Variants in FBN2 observed in about 807,000 individuals in gnomAD.
FBN2 encodes fibrillin 2, also known as fibrillin-2.
A neutral mutation model predicts 355.6 loss-of-function variants in FBN2; 105 were observed. The ratio of observed to expected loss-of-function variants is 0.30; its 90% confidence interval spans 0.25 to 0.35. FBN2 has a LOEUF of 0.35. FBN2 is among the 10% of genes least tolerant of loss of function. The pLI, the probability that FBN2 is intolerant of heterozygous loss-of-function variation, is 1.00. For missense variants in FBN2, 3,280 were observed against 3,758.7 expected, an observed-to-expected ratio of 0.87 and a Z score of 3.33; for synonymous variants, 1,350 against 1,301.2, an observed-to-expected ratio of 1.04 and a Z score of -0.81.
At chr5:128,374,814 C>T in intron 14 of FBN2, 64 bp from the exon 15 acceptor site, 1 of 1,550,064 alleles carries the variant, frequency 6.5e-7, no homozygotes, top group African/African-American at 1.4e-5. Context: ...ACAGGGTTTA[C>T]TTGCAGCCAC....
intron 20 of FBN2, among the ~76,000 whole-genome samples, chr5:128,354,372 G>C (rs917044256): frequency 6.6e-6 from 1 of 152,170 alleles, no homozygotes; most frequent in Non-Finnish European, 1.5e-5. Flanking sequence ...GCAGGAGCAA[G>C]ATCATGAGGG....
At chr5:128,494,166 T>C (rs1319558963) in intron 5 of FBN2, among the ~76,000 whole-genome samples, 2 of 152,138 alleles carry the variant, frequency 1.3e-5, no homozygotes, top group Non-Finnish European at 2.9e-5. Context: ...CACTCCAAGA[T>C]AGACCATTGT....
intron 8 of FBN2, among the ~76,000 whole-genome samples, chr5:128,396,773 T>C (rs1246101610): frequency 2.0e-5 from 3 of 152,210 alleles, no homozygotes; most frequent in African/African-American, 7.2e-5. Context: ...TAACAACATA[T>C]TATTCAACCC....
At chr5:128,316,300 G>A (rs1750199782) in intron 36 of FBN2, among the ~76,000 whole-genome samples, 1 of 152,038 alleles carries the variant, frequency 6.6e-6, no homozygotes, top group Admixed American at 6.6e-5. Context: ...ACATAATGTT[G>A]AACATTGACA....
chr5:128,374,871 G>T, intron 14 of FBN2, 121 bp from the exon 15 acceptor site: 1 of 1,027,642 alleles, frequency 9.7e-7, no homozygotes, highest in South Asian at 1.4e-5. Context: ...AATTTGTGAA[G>T]AACAAATAAG....
At chr5:128,518,255 G>A (rs1167051361) in intron 5 of FBN2, among the ~76,000 whole-genome samples, 2 of 149,924 alleles carry the variant, frequency 1.3e-5, no homozygotes, top group African/African-American at 2.4e-5. Context: ...ATATTCCCAT[G>A]ATCCATAATG....
rs778088321 is a variant in FBN2 at position 128,338,049 on chromosome 5, C to T, written c.3546G>A (p.Gln1182=). 6 of 1,613,952 alleles carry T rather than the reference C, an allele frequency of 3.7e-6. No homozygotes were observed. The highest frequency in any genetic ancestry group is 5.1e-6 in the Non-Finnish European group (6 of 1,179,926). The change falls in exon 27 of 65, where the codon CAG becomes CAA. Residue 1182 remains glutamine (Q), a synonymous_variant. Coordinates refer to ENST00000262464, the MANE Select transcript of FBN2 (RefSeq NM_001999.4). ...GCTCGTGTCCCAGTGGGCAGTCACA[C>T]TGAAAGCTGCCCTCAGTGTTCACAC... ...GTCVNTEGSF[Q]CDCPLGHELS...
At chr5:128,528,054 T>A (rs941707163) in intron 3 of FBN2, 87 bp from the exon 4 acceptor site, 13 of 830,848 alleles carry the variant, frequency 1.6e-5, no homozygotes, top group Non-Finnish European at 2.7e-5. Flanking sequence ...TAAACTCAAT[T>A]ATCCAATTCA....
chr5:128,359,876 C>CTA (rs35371711), intron 19 of FBN2, among the ~76,000 whole-genome samples: 124,259 of 151,876 alleles, frequency 0.82, 52,263 homozygotes, highest in East Asian at 1. Context: ...CCTTTGTACT[C>CTA]TGTTACTTGT....
intron 5 of FBN2, among the ~76,000 whole-genome samples, chr5:128,518,932 T>C (rs948626717): frequency 2.6e-5 from 4 of 152,182 alleles, no homozygotes; most frequent in Non-Finnish European, 5.9e-5. Flanking sequence ...AAAGATAACT[T>C]GACACTATTT....
intron 17 of FBN2, among the ~76,000 whole-genome samples, chr5:128,365,929 G>T (rs1014840255): frequency 6.6e-6 from 1 of 151,494 alleles, no homozygotes; most frequent in Non-Finnish European, 1.5e-5. Context: ...ATTATTCTTA[G>T]GTGTAAATAG....
intron 5 of FBN2, among the ~76,000 whole-genome samples, chr5:128,504,051 T>G (rs1225915659): frequency 6.6e-6 from 1 of 152,192 alleles, no homozygotes. Flanking sequence ...CAGCTCAGGC[T>G]GTTGCTTCAG....
chr5:128,418,998 T>G (rs1181978599), intron 7 of FBN2, among the ~76,000 whole-genome samples: 1 of 152,202 alleles, frequency 6.6e-6, no homozygotes, highest in African/African-American at 2.4e-5. Context: ...TATTTGTTTA[T>G]TTAGATCATT....
Position 128,395,118 on chromosome 5 carries a change from G to A in FBN2, c.1231+4C>T, listed in dbSNP as rs556079768. ...GCTGAGGAGACTAACAGCCAGCCACGTACCAGAACCTCTGACAGGACAGGC... is the reference window on the plus strand; with the variant it reads ...GCTGAGGAGACTAACAGCCAGCCACATACCAGAACCTCTGACAGGACAGGC... On this transcript the variant is annotated splice_donor_region_variant and intron_variant, in intron 9 of 64. Transcript: ENST00000262464. The A allele has an allele frequency of 1.5e-5, 24 of 1,614,022 alleles. No individual in the cohort carries two copies. Among genetic ancestry groups the A allele is most frequent in the Non-Finnish European group, 1.8e-5 (21 of 1,179,952 alleles).
At chr5:128,431,775 T>A (rs1753633519) in intron 7 of FBN2, among the ~76,000 whole-genome samples, 2 of 152,172 alleles carry the variant, frequency 1.3e-5, no homozygotes, top group African/African-American at 4.8e-5. Flanking sequence ...TGACAGTGAA[T>A]CTGATAACTG....
intron 7 of FBN2, among the ~76,000 whole-genome samples, chr5:128,428,699 T>C (rs1753542767): frequency 6.6e-6 from 1 of 152,266 alleles, no homozygotes; most frequent in Non-Finnish European, 1.5e-5. Context: ...TACTGTCTCT[T>C]GCCTCTATAA....
intron 54 of FBN2, 63 bp from the exon 55 acceptor site, chr5:128,286,912 C>T: frequency 1.3e-6 from 2 of 1,509,886 alleles, no homozygotes; most frequent in Non-Finnish European, 1.8e-6. Context: ...ACTTTTAAGT[C>T]ACAGGTGTGG....
chr5:128,353,880 T>A (rs1751432850), intron 20 of FBN2, among the ~76,000 whole-genome samples: 1 of 152,156 alleles, frequency 6.6e-6, no homozygotes, highest in Non-Finnish European at 1.5e-5. Context: ...CTGTGATTCT[T>A]TAGGCTGGTG....
At chr5:128,483,679 A>G (rs550783501) in intron 5 of FBN2, among the ~76,000 whole-genome samples, 12 of 152,020 alleles carry the variant, frequency 7.9e-5, no homozygotes, top group Non-Finnish European at 1.6e-4. Flanking sequence ...ATGACTTTGA[A>G]CCCATAAAAG....
Sources: allele counts gnomAD v4.1 joint callset (sites outside exome capture counted in the v4.1 genomes callset), GRCh38; gene constraint gnomAD v4.1.1; transcripts MANE v1.5; gene names NCBI Gene and HGNC (gene_info 2026-07-23, HGNC 2026-07-21).